The following CRIM1 variants were observed in gnomAD, a reference collection of about 807,000 sequenced individuals.
CRIM1 encodes cysteine-rich motor neuron 1 protein.
Under a neutral mutation model 116.4 loss-of-function variants are expected in CRIM1, and 32 were observed. The ratio of observed to expected loss-of-function variants is 0.27; its 90% CI spans 0.21 to 0.37. The LOEUF is 0.37. Among genes scored for constraint, CRIM1 ranks in the 10% least tolerant of loss-of-function variants. The pLI is 1.00. For missense variants in CRIM1, 1,331 were observed against 1,354.8 expected, an observed-to-expected ratio of 0.98 and a Z score of 0.28; for synonymous variants, 590 against 509.2, an observed-to-expected ratio of 1.16 and a Z score of -2.13.
At chr2:36,476,090 G>T (rs970444046) in intron 5 of CRIM1, among the ~76,000 whole-genome samples, 1 of 151,952 alleles carries the variant, frequency 6.6e-6, no homozygotes, top group African/African-American at 2.4e-5. Flanking sequence ...AAGAATGAAT[G>T]TAGGGAGAGT....
intron 4 of CRIM1, among the ~76,000 whole-genome samples, chr2:36,462,088 A>G (rs1032878285): frequency 2.0e-5 from 3 of 152,194 alleles, no homozygotes; most frequent in African/African-American, 7.2e-5. Flanking sequence ...TTTATTATGC[A>G]GTCAGTTTAG....
At chr2:36,499,862 C>A (rs540009075) in intron 8 of CRIM1, among the ~76,000 whole-genome samples, 1 of 152,254 alleles carries the variant, frequency 6.6e-6, no homozygotes, top group South Asian at 2.1e-4. Context: ...ACACCCCACC[C>A]CCATATATGT....
intron 8 of CRIM1, among the ~76,000 whole-genome samples, chr2:36,503,078 A>G (rs1681115104): frequency 6.6e-6 from 1 of 152,210 alleles, no homozygotes; most frequent in Non-Finnish European, 1.5e-5. Flanking sequence ...CATTCGTATT[A>G]GCAATCCAGG....
chr2:36,395,998 C>T (rs1353348945), intron 1 of CRIM1, among the ~76,000 whole-genome samples: 1 of 152,168 alleles, frequency 6.6e-6, no homozygotes, highest in Non-Finnish European at 1.5e-5. Flanking sequence ...TGATCAACCT[C>T]GTGGGCTCAA....
At chr2:36,497,123 C>T (rs1318692390) in intron 7 of CRIM1, among the ~76,000 whole-genome samples, 3 of 152,144 alleles carry the variant, frequency 2.0e-5, no homozygotes, top group Non-Finnish European at 4.4e-5. Flanking sequence ...GCAAAATTTT[C>T]TCATAAATTT....
At chr2:36,469,699 A>G (rs550633858) in intron 5 of CRIM1, among the ~76,000 whole-genome samples, 131 of 152,308 alleles carry the variant, frequency 8.6e-4, no homozygotes, top group Non-Finnish European at 1.4e-3. Context: ...CTATATAGCA[A>G]TTATGCTCAT....
At chr2:36,501,380 C>A (rs1195092612) in intron 8 of CRIM1, among the ~76,000 whole-genome samples, 3 of 152,190 alleles carry the variant, frequency 2.0e-5, no homozygotes, top group African/African-American at 7.2e-5. Flanking sequence ...TTACATGTGA[C>A]CATCACACTA....
chr2:36,505,901 T>A (rs1336752914), intron 8 of CRIM1, among the ~76,000 whole-genome samples: 1 of 152,202 alleles, frequency 6.6e-6, no homozygotes, highest in Non-Finnish European at 1.5e-5. Context: ...ATACCCAGTG[T>A]GGCAGGCTCA....
chr2:36,422,200 G>C (rs956744689), intron 2 of CRIM1, among the ~76,000 whole-genome samples: 1 of 150,936 alleles, frequency 6.6e-6, no homozygotes, highest in East Asian at 1.9e-4. Flanking sequence ...TTTCTTGGGG[G>C]ATTTGTCTCT....
chr2:36,359,656 C>A (rs903865915), intron 1 of CRIM1, among the ~76,000 whole-genome samples: 2 of 152,152 alleles, frequency 1.3e-5, no homozygotes, highest in Non-Finnish European at 1.5e-5. Context: ...GTGTCCTGTG[C>A]ACCATGTGAG....
chr2:36,506,956 T>C (rs1169221229), intron 8 of CRIM1, among the ~76,000 whole-genome samples: 1 of 152,012 alleles, frequency 6.6e-6, no homozygotes, highest in Non-Finnish European at 1.5e-5. Flanking sequence ...ACCTCCTGGG[T>C]TCAAGTAATC....
At chr2:36,524,546 G>A (rs1665626312) in intron 13 of CRIM1, among the ~76,000 whole-genome samples, 1 of 152,114 alleles carries the variant, frequency 6.6e-6, no homozygotes, top group South Asian at 2.1e-4. Context: ...TGGGAAACCA[G>A]GGCCCAGGAG....
intron 2 of CRIM1, among the ~76,000 whole-genome samples, chr2:36,408,861 CACAG>C (rs1412903907): frequency 6.6e-6 from 1 of 151,806 alleles, no homozygotes; most frequent in East Asian, 1.9e-4. Flanking sequence ...AGCATAAACT[CACAG>C]ACAGTCAAAA....
intron 2 of CRIM1, among the ~76,000 whole-genome samples, chr2:36,414,154 T>C (rs540050013): frequency 5.6e-4 from 86 of 152,304 alleles, no homozygotes; most frequent in African/African-American, 1.9e-3. Flanking sequence ...TGCTTTGGCA[T>C]CTCTGCTCTC....
chr2:36,437,432 AAGAG>A (rs1377554463), intron 2 of CRIM1, among the ~76,000 whole-genome samples: 1 of 152,162 alleles, frequency 6.6e-6, no homozygotes, highest in Non-Finnish European at 1.5e-5. Flanking sequence ...CCAACATAAA[AAGAG>A]AGAGAACTAA....
intron 5 of CRIM1, 94 bp downstream of exon 5, chr2:36,464,749 C>T: frequency 6.8e-7 from 1 of 1,467,838 alleles, no homozygotes; most frequent in Non-Finnish European, 9.4e-7. Flanking sequence ...TTTTACAAAG[C>T]AGGGATTACC....
At chr2:36,441,998 A>G (rs1294887365) in intron 3 of CRIM1, among the ~76,000 whole-genome samples, 1 of 152,188 alleles carries the variant, frequency 6.6e-6, no homozygotes, top group Non-Finnish European at 1.5e-5. Context: ...ATTCCCCCGC[A>G]TCTGCCCTCT....
intron 8 of CRIM1, among the ~76,000 whole-genome samples, chr2:36,499,679 A>C (rs1474724708): frequency 6.6e-6 from 1 of 152,116 alleles, no homozygotes; most frequent in East Asian, 1.9e-4. Flanking sequence ...GAGGTCACCC[A>C]CGCATACAGT....
At chr2:36,452,892 A>G (rs1372650430) in intron 4 of CRIM1, among the ~76,000 whole-genome samples, 1 of 152,190 alleles carries the variant, frequency 6.6e-6, no homozygotes, top group African/African-American at 2.4e-5. Context: ...CTTTCAGTAA[A>G]GTTGAAAGCG....
Sources: allele counts gnomAD v4.1 joint callset (sites outside exome capture counted in the v4.1 genomes callset), GRCh38; gene constraint gnomAD v4.1.1; transcripts MANE v1.5; gene names NCBI Gene and HGNC (gene_info 2026-07-23, HGNC 2026-07-21).